PCDHA13: variants seen among roughly 807,000 people sequenced by gnomAD.
PCDHA13 encodes the protein protocadherin alpha 13.
In PCDHA13, 54 loss-of-function variants were observed where a neutral mutation model predicts 64.8. The observed-to-expected ratio is 0.83, with a 90% CI of 0.67 to 1.04. The LOEUF is 1.04. PCDHA13 is among the 50% of genes least tolerant of loss of function. The pLI is 0.00. For synonymous variants in PCDHA13, 587 were observed against 564.4 expected (o/e 1.04, Z -0.57); for missense variants, 1,248 against 1,254.3 (o/e 0.99, Z 0.08).
rs564801749 is a variant in PCDHA13, at chr5:140,919,703, A to G, written c.2394+35041A>G. Among the ~76,000 whole-genome samples the G allele has an allele frequency of 6.4e-4, 98 of 152,318 alleles. No individual in the cohort carries two copies. In the South Asian group the frequency reaches 0.011, roughly 16 times the overall value. ...TCTGCTTCAGATTTATATTAACTTA[A>G]TTCTAGTGAGATATAAATATGTTAC... On this transcript the variant is annotated intron_variant, in intron 1 of 3. Transcript: ENST00000289272.
chr5:140,989,733 C>T (rs31874), intron 3 of PCDHA13, among the ~76,000 whole-genome samples: 120,660 of 152,102 alleles, frequency 0.79, 48,852 homozygotes, highest in East Asian at 0.98. Context: ...GTTGAAAAGG[C>T]CATTGCCTAA....
chr5:140,993,694 T>C (rs1192686372), intron 3 of PCDHA13, among the ~76,000 whole-genome samples: 1 of 152,186 alleles, frequency 6.6e-6, no homozygotes, highest in African/African-American at 2.4e-5. Flanking sequence ...TCCCATAAGA[T>C]TGTAATACCA....
chr5:140,983,005 AAAGG>A (rs1223217874), intron 3 of PCDHA13, among the ~76,000 whole-genome samples: 2 of 152,110 alleles, frequency 1.3e-5, no homozygotes, highest in African/African-American at 2.4e-5. Flanking sequence ...AAAGAAAGAA[AAAGG>A]AAGGAAGGAA....
intron 1 of PCDHA13, among the ~76,000 whole-genome samples, chr5:140,894,005 G>A (rs1365314012): frequency 6.6e-6 from 1 of 152,072 alleles, no homozygotes; most frequent in Non-Finnish European, 1.5e-5. Context: ...TGTATGGTTG[G>A]TTCAAATTAC....
chr5:140,927,313 G>A (rs1229449253), intron 1 of PCDHA13: 6 of 1,614,074 alleles, frequency 3.7e-6, no homozygotes, highest in Admixed American at 3.3e-5. Context: ...GACGCCCGGA[G>A]CCCGCTTTAC....
chr5:140,928,106 G>A, intron 1 of PCDHA13: 4 of 1,614,150 alleles, frequency 2.5e-6, no homozygotes, highest in Non-Finnish European at 3.4e-6. Context: ...CCCCTGGACC[G>A]GGAGCAGATC....
intron 1 of PCDHA13, among the ~76,000 whole-genome samples, chr5:140,946,679 C>T (rs556487333): frequency 4.1e-5 from 6 of 144,812 alleles, no homozygotes; most frequent in East Asian, 4.0e-4. Flanking sequence ...TCCTGTCATT[C>T]GTGACAATAT....
intron 1 of PCDHA13, among the ~76,000 whole-genome samples, chr5:140,908,097 G>A (rs184366035): frequency 2.6e-5 from 4 of 152,212 alleles, no homozygotes; most frequent in African/African-American, 9.6e-5. Flanking sequence ...ACTGATTGAA[G>A]TTCTGTCCAC....
At chr5:140,914,944 CTTTT>C (rs35695909) in intron 1 of PCDHA13, among the ~76,000 whole-genome samples, 298 of 128,244 alleles carry the variant, frequency 2.3e-3, no homozygotes, top group African/African-American at 8.2e-3. Flanking sequence ...GAAAAGTTGT[CTTTT>C]TTTTTTTTTT....
At chr5:141,009,463 A>C in intron 3 of PCDHA13, 164 bp from the exon 4 acceptor site, 1 of 954,884 alleles carries the variant, frequency 1.0e-6, no homozygotes, top group Non-Finnish European at 1.2e-6. Context: ...AAACAAATAA[A>C]TAAATAAGTA....
At chr5:140,967,092 C>A (rs782344374) in intron 1 of PCDHA13, 4 of 1,613,156 alleles carry the variant, frequency 2.5e-6, no homozygotes, top group Non-Finnish European at 2.5e-6. Context: ...GATCGGGAGG[C>A]GCTGTGTGAG....
At chr5:140,967,758 A>G (rs781815948) in intron 1 of PCDHA13, 8 of 1,614,162 alleles carry the variant, frequency 5.0e-6, no homozygotes, top group Non-Finnish European at 5.9e-6. Context: ...GCCTCCTCCT[A>G]CCAGATCTAT....
At chr5:140,994,474 G>A (rs545568699) in intron 3 of PCDHA13, among the ~76,000 whole-genome samples, 27 of 152,078 alleles carry the variant, frequency 1.8e-4, no homozygotes, top group Non-Finnish European at 2.9e-4. Flanking sequence ...AGGCTGAGGC[G>A]GGTGGATTGC....
chr5:141,011,288 T>C lies in PCDHA13; in HGVS notation c.*1351T>C, dbSNP rs1379355395. 1 of 153,798 alleles carries C rather than the reference T, an allele frequency of 6.5e-6. No individual in the cohort carries two copies. Among genetic ancestry groups the C allele is most frequent in the Non-Finnish European group, 1.5e-5 (1 of 68,050 alleles). The allele number at this position is 153,798 out of a possible 1,614,324, so 9.5% of individuals were successfully genotyped here. A position where few individuals can be genotyped will look rare whatever the true frequency, so the allele number is the denominator to read the frequency against. On this transcript the variant is annotated 3_prime_UTR_variant, in exon 4 of 4. Transcript: ENST00000289272. ...CTTCTCTTTGGTTTAGTTTTCCTTT[T>C]CTATAACACTCTGAATTGCTAATCT... is the stretch of plus-strand genomic sequence containing the variant.
At chr5:140,894,947 A>G (rs1257936552) in intron 1 of PCDHA13, among the ~76,000 whole-genome samples, 1 of 152,178 alleles carries the variant, frequency 6.6e-6, no homozygotes, top group Non-Finnish European at 1.5e-5. Flanking sequence ...TTGTCATGAA[A>G]TGATAAAAAT....
At chr5:140,972,624 G>A (rs2096543924) in intron 1 of PCDHA13, among the ~76,000 whole-genome samples, 1 of 150,616 alleles carries the variant, frequency 6.6e-6, no homozygotes, top group Non-Finnish European at 1.5e-5. Flanking sequence ...GAATGTTGTT[G>A]GCACTCCCTT....
intron 3 of PCDHA13, among the ~76,000 whole-genome samples, chr5:141,002,223 T>C (rs2098066619): frequency 6.6e-6 from 1 of 151,974 alleles, no homozygotes. Flanking sequence ...AAATGATGGG[T>C]TTTCTGGAAG....
chr5:140,985,128 G>C (rs908196925), intron 3 of PCDHA13, among the ~76,000 whole-genome samples: 1 of 152,056 alleles, frequency 6.6e-6, no homozygotes, highest in African/African-American at 2.4e-5. Context: ...TAGTAAAGAC[G>C]GGGTTTCACC....
chr5:140,927,756 T>G (rs782307164), intron 1 of PCDHA13: 2 of 1,614,012 alleles, frequency 1.2e-6, no homozygotes, highest in South Asian at 1.1e-5. Flanking sequence ...ACGTGCACCC[T>G]AAAAGTGGGG....
Sources: gnomAD v4.1 joint callset for allele counts (sites outside exome capture counted in the v4.1 genomes callset) on GRCh38, gnomAD v4.1.1 for gene constraint, MANE v1.5 for transcripts, NCBI Gene and HGNC (gene_info 2026-07-23, HGNC 2026-07-21) for gene names.